TNIK: variants seen among roughly 807,000 people sequenced by gnomAD.
TNIK encodes TRAF2 and NCK interacting kinase, also known as TRAF2 and NCK-interacting protein kinase.
TNIK carries 49 observed loss-of-function variants against 191.3 expected under a neutral mutation model. The ratio of observed to expected loss-of-function variants is 0.26; its 90% CI spans 0.20 to 0.32. TNIK has a LOEUF of 0.32. Ranked by LOEUF, TNIK falls within the 10% of genes least tolerant of loss-of-function variation. TNIK has a pLI of 1.00. For synonymous variants in TNIK, 594 were observed against 600.9 expected (o/e 0.99, Z 0.17); for missense variants, 1,155 against 1,702.3 (o/e 0.68, Z 5.66).
At chr3:171,077,959 T>G (rs1014826625) in intron 28 of TNIK, among the ~76,000 whole-genome samples, 1 of 151,914 alleles carries the variant, frequency 6.6e-6, no homozygotes, top group Admixed American at 6.6e-5. Context: ...AATAATTCTG[T>G]TGGGAATTTG....
intron 28 of TNIK, among the ~76,000 whole-genome samples, chr3:171,078,108 C>A (rs919534137): frequency 5.9e-5 from 9 of 152,068 alleles, no homozygotes; most frequent in African/African-American, 2.2e-4. Flanking sequence ...GTTTTGAAGG[C>A]CTTCTCATTT....
intron 15 of TNIK, among the ~76,000 whole-genome samples, chr3:171,134,857 A>G (rs948133299): frequency 3.3e-5 from 5 of 152,224 alleles, no homozygotes; most frequent in Non-Finnish European, 5.9e-5. Flanking sequence ...ATAAAGGACT[A>G]TCGATTTGGA....
intron 4 of TNIK, 70 bp from the exon 5 acceptor site, chr3:171,194,705 A>C: frequency 7.1e-7 from 1 of 1,401,580 alleles, no homozygotes; most frequent in Non-Finnish European, 1.0e-6. Context: ...GGGGTAAGAA[A>C]GCACAAGCAA....
intron 2 of TNIK, among the ~76,000 whole-genome samples, chr3:171,270,148 T>A (rs1428750502): frequency 6.6e-6 from 1 of 152,158 alleles, no homozygotes; most frequent in Non-Finnish European, 1.5e-5. Context: ...AACCCCATCT[T>A]TCTAAGTTTA....
At chr3:171,444,449 A>C (rs569665235) in intron 1 of TNIK, among the ~76,000 whole-genome samples, 2 of 152,284 alleles carry the variant, frequency 1.3e-5, no homozygotes, top group Admixed American at 1.3e-4. Flanking sequence ...AGCAAATGTC[A>C]GCACCTCCTG....
intron 2 of TNIK, among the ~76,000 whole-genome samples, chr3:171,343,233 A>G (rs562430804): frequency 3.9e-5 from 6 of 152,208 alleles, no homozygotes; most frequent in Non-Finnish European, 7.3e-5. Flanking sequence ...GAGAAACCTG[A>G]CAGTCACTGC....
At chr3:171,260,861 T>G (rs1270178184) in intron 2 of TNIK, among the ~76,000 whole-genome samples, 1 of 152,226 alleles carries the variant, frequency 6.6e-6, no homozygotes, top group Non-Finnish European at 1.5e-5. Flanking sequence ...CAAAGCTAGT[T>G]GTTTAAAGCT....
intron 24 of TNIK, among the ~76,000 whole-genome samples, chr3:171,086,832 T>C (rs1369100589): frequency 6.6e-6 from 1 of 152,230 alleles, no homozygotes; most frequent in Admixed American, 6.5e-5. Flanking sequence ...TAATGCTTGG[T>C]TTCTTTCTTC....
At position 171,157,511 on chromosome 3, in the gene TNIK, C is replaced by G; in HGVS notation, c.1170G>C (p.Glu390Asp). The G allele has an allele frequency of 6.3e-7, 1 of 1,575,468 alleles. No individual in the cohort carries two copies. The highest frequency in any genetic ancestry group is 8.6e-7 in the Non-Finnish European group (1 of 1,161,032). The change falls in exon 12 of 33, where the codon GAG (glutamate) becomes GAC (aspartate). Residue 390 changes from glutamate (E) to aspartate (D), a missense_variant. Glu to Asp is a conservative substitution (Grantham distance 45). Around this residue, in one of 3 missense-constraint regions of TNIK, gnomAD observed 735 missense variants for 848.0 expected, o/e 0.87. Coordinates refer to ENST00000436636, the MANE Select transcript of TNIK (RefSeq NM_015028.4). ...TCTGCTCCTCGATGCGCTTCTGACG[C>G]TCGGCCAGCAGCTGCCGCTTGTGCT... is the stretch of plus-strand genomic sequence containing the variant. ...NEEHKRQLLA[E>D]RQKRIEEQKE...
intron 2 of TNIK, among the ~76,000 whole-genome samples, chr3:171,310,163 C>T (rs1459465324): frequency 6.6e-6 from 1 of 152,018 alleles, no homozygotes; most frequent in Non-Finnish European, 1.5e-5. Flanking sequence ...CATGCTACTG[C>T]CTCTTTGGTA....
intron 2 of TNIK, among the ~76,000 whole-genome samples, chr3:171,312,714 T>C (rs892224080): frequency 6.6e-6 from 1 of 152,194 alleles, no homozygotes; most frequent in African/African-American, 2.4e-5. Context: ...TGAAACTTAA[T>C]AAATTGCTCT....
In TNIK at chr3:171,369,701, CA is replaced by C; in HGVS notation, c.58-17del. 5 of 1,547,170 alleles carry C rather than the reference CA, an allele frequency of 3.2e-6. No homozygotes were observed. Among genetic ancestry groups the C allele is most frequent in the Non-Finnish European group, 4.4e-6 (5 of 1,142,830 alleles). ...CTGCGGGGTCCTGAAAGAAAATAAA[CA>C]AACAATAAAAATTCAAAACAATATT... On this transcript the variant is annotated splice_polypyrimidine_tract_variant and intron_variant, in intron 1 of 32. Transcript: ENST00000436636.
intron 1 of TNIK, among the ~76,000 whole-genome samples, chr3:171,392,983 A>C (rs1268103206): frequency 6.6e-6 from 1 of 152,112 alleles, no homozygotes; most frequent in Admixed American, 6.6e-5. Flanking sequence ...AATAAAAAAA[A>C]AATGAGCCTT....
intron 4 of TNIK, among the ~76,000 whole-genome samples, chr3:171,205,606 A>G (rs1420942120): frequency 6.6e-6 from 1 of 152,128 alleles, no homozygotes; most frequent in East Asian, 1.9e-4. Flanking sequence ...TTCACTTACT[A>G]AAACAGTTTC....
chr3:171,064,207 A>G (rs964850002), intron 32 of TNIK, among the ~76,000 whole-genome samples: 5 of 152,206 alleles, frequency 3.3e-5, no homozygotes, highest in African/African-American at 1.2e-4. Flanking sequence ...TGAAGGGGCT[A>G]TATCTTCATT....
chr3:171,170,117 T>C (rs2108764096), intron 9 of TNIK, among the ~76,000 whole-genome samples: 1 of 152,366 alleles, frequency 6.6e-6, no homozygotes, highest in East Asian at 1.9e-4. Context: ...CTTTATTGCT[T>C]GAATCTCTGC....
At chr3:171,215,337 T>C (rs1010525611) in intron 3 of TNIK, among the ~76,000 whole-genome samples, 1 of 152,158 alleles carries the variant, frequency 6.6e-6, no homozygotes, top group Non-Finnish European at 1.5e-5. Flanking sequence ...CAAAACCTCA[T>C]GTAATGTTTA....
chr3:171,182,889 A>C (rs1736839485), intron 7 of TNIK, among the ~76,000 whole-genome samples: 1 of 152,156 alleles, frequency 6.6e-6, no homozygotes, highest in African/African-American at 2.4e-5. Flanking sequence ...ACAACTAACA[A>C]CTCTGAGCCC....
At position 171,139,777 on chromosome 3, in the gene TNIK, C is replaced by T. The variant is rs564765319; in HGVS notation, c.1333-221G>A. On this transcript the variant is annotated intron_variant, in intron 13 of 32. Coordinates refer to ENST00000436636, the MANE Select transcript of TNIK (RefSeq NM_015028.4). Reference sequence around the variant, plus strand: ...CCCCTCTACCTGCAACAGCTGACTGCGATGTCTCGGCATTTTACTGCTACT... The same window carrying T: ...CCCCTCTACCTGCAACAGCTGACTGTGATGTCTCGGCATTTTACTGCTACT... Among the ~76,000 whole-genome samples the T allele has an allele frequency of 3.9e-5, 6 of 152,290 alleles. No homozygotes were observed. The East Asian group carries it at 5.8e-4, about 15-fold the overall frequency.
Sources: gnomAD v4.1 joint callset for allele counts (sites outside exome capture counted in the v4.1 genomes callset) on GRCh38, gnomAD v4.1.1 for gene constraint, gnomAD v4.1.1 regional missense constraint, MANE v1.5 for transcripts, NCBI Gene and HGNC (gene_info 2026-07-23, HGNC 2026-07-21) for gene names.